COL21A1: variants seen among roughly 807,000 people sequenced by gnomAD.
COL21A1 encodes the protein collagen type XXI alpha 1 chain, also known as collagen alpha-1(XXI) chain.
Under a neutral mutation model 137.9 loss-of-function variants are expected in COL21A1, and 149 were observed. That is an observed-to-expected ratio of 1.08 (90% CI 0.95 to 1.24). The LOEUF is 1.24. COL21A1 is among the 50% of genes most tolerant of loss of function. The probability of loss-of-function intolerance (pLI) is 0.00; values close to 1 mark genes in which losing one functional copy is unlikely to be tolerated. For synonymous variants in COL21A1, 456 were observed against 391.5 expected (o/e 1.16, Z -1.95); for missense variants, 1,167 against 1,158.4 (o/e 1.01, Z -0.11).
At chr6:56,346,664 G>A (rs371551811) in intron 1 of COL21A1, among the ~76,000 whole-genome samples, 1 of 152,096 alleles carries the variant, frequency 6.6e-6, no homozygotes, top group East Asian at 1.9e-4. Flanking sequence ...AAAATAAAAA[G>A]TAGTTCAGTA....
At chr6:56,344,720 T>C (rs12204391) in intron 1 of COL21A1, among the ~76,000 whole-genome samples, 26,430 of 152,040 alleles carry the variant, frequency 0.17, 2,465 homozygotes, top group Non-Finnish European at 0.19. Flanking sequence ...TGGGGGCAGA[T>C]TTCCCCCTTG....
chr6:56,389,880 A>C (rs1435308897), intron 1 of COL21A1, among the ~76,000 whole-genome samples: 1 of 152,184 alleles, frequency 6.6e-6, no homozygotes. Context: ...AGACAAACAA[A>C]AGTTGAGGGA....
chr6:56,185,842 G>C (rs1778256173), intron 1 of COL21A1, among the ~76,000 whole-genome samples: 2 of 152,126 alleles, frequency 1.3e-5, no homozygotes, highest in Non-Finnish European at 2.9e-5. Context: ...TCCTGGTCCA[G>C]ATAGCTTCAC....
chr6:56,279,342 T>C (rs1400029644), intron 1 of COL21A1, among the ~76,000 whole-genome samples: 1 of 152,198 alleles, frequency 6.6e-6, no homozygotes, highest in East Asian at 1.9e-4. Context: ...AAATATTTTA[T>C]TTATAAATTA....
At chr6:56,117,583 G>A (rs1023092265) in intron 16 of COL21A1, among the ~76,000 whole-genome samples, 3 of 152,024 alleles carry the variant, frequency 2.0e-5, no homozygotes, top group East Asian at 3.9e-4. Flanking sequence ...CAGACCAAAC[G>A]AATCAAATAG....
intron 2 of COL21A1, among the ~76,000 whole-genome samples, chr6:56,181,237 G>A (rs1777866173): frequency 1.3e-5 from 2 of 152,316 alleles, no homozygotes; most frequent in South Asian, 4.1e-4. Context: ...CTCTGCCATG[G>A]CGGCCACTGC....
intron 27 of COL21A1, 194 bp downstream of exon 27, chr6:56,060,545 CTT>C (rs1400731770): frequency 2.0e-6 from 1 of 489,102 alleles, no homozygotes; most frequent in African/African-American, 2.0e-5. Flanking sequence ...TAATAAATGT[CTT>C]TATTAAAAAG....
intron 1 of COL21A1, among the ~76,000 whole-genome samples, chr6:56,225,414 T>C (rs1781124355): frequency 6.6e-6 from 1 of 152,016 alleles, no homozygotes; most frequent in Admixed American, 6.6e-5. Context: ...CACTCCTCAG[T>C]AAGGAAACTT....
chr6:56,235,036 T>C (rs1009074495), intron 1 of COL21A1, among the ~76,000 whole-genome samples: 1 of 151,880 alleles, frequency 6.6e-6, no homozygotes. Flanking sequence ...GCAAGTTATA[T>C]TGAGTCCCTT....
intron 16 of COL21A1, among the ~76,000 whole-genome samples, chr6:56,107,753 A>C (rs1771076433): frequency 6.6e-6 from 1 of 152,182 alleles, no homozygotes; most frequent in Non-Finnish European, 1.5e-5. Flanking sequence ...AGAATACTGT[A>C]TTCACAAGCC....
intron 1 of COL21A1, among the ~76,000 whole-genome samples, chr6:56,202,852 T>C (rs190769206): frequency 6.6e-6 from 1 of 152,302 alleles, no homozygotes; most frequent in African/African-American, 2.4e-5. Context: ...CAAAAGAATA[T>C]ACATGTCTAT....
chr6:56,087,581 G>A (rs1425367360), intron 17 of COL21A1, among the ~76,000 whole-genome samples: 1 of 152,130 alleles, frequency 6.6e-6, no homozygotes, highest in Non-Finnish European at 1.5e-5. Flanking sequence ...CTGTCATCCA[G>A]GCTTTCTTGT....
At chr6:56,233,018 C>T (rs550679197) in intron 1 of COL21A1, among the ~76,000 whole-genome samples, 3 of 151,890 alleles carry the variant, frequency 2.0e-5, no homozygotes, top group African/African-American at 7.2e-5. Context: ...AGGTAGGTGC[C>T]TTTCAGAGAA....
At chr6:56,103,234 C>T (rs1770608452) in intron 16 of COL21A1, among the ~76,000 whole-genome samples, 1 of 152,042 alleles carries the variant, frequency 6.6e-6, no homozygotes, top group Non-Finnish European at 1.5e-5. Context: ...GGGTGGGGGC[C>T]AGCAATCTGT....
chr6:56,371,006 A>G (rs1228284133), intron 1 of COL21A1, among the ~76,000 whole-genome samples: 2 of 152,182 alleles, frequency 1.3e-5, no homozygotes, highest in Non-Finnish European at 2.9e-5. Flanking sequence ...GAATTGAATG[A>G]TCATCTTAAA....
intron 1 of COL21A1, among the ~76,000 whole-genome samples, chr6:56,359,611 G>T (rs1400805731): frequency 6.6e-6 from 1 of 152,168 alleles, no homozygotes; most frequent in South Asian, 2.1e-4. Flanking sequence ...TTCTAAAGGA[G>T]ACATTTCTGA....
chr6:56,126,260 A>C, intron 12 of COL21A1, 111 bp from the exon 13 acceptor site: 1 of 671,914 alleles, frequency 1.5e-6, no homozygotes, highest in Non-Finnish European at 2.6e-6. Context: ...ATCTATCTGC[A>C]AACAGTTAAT....
chr6:56,068,085 G>A (rs748613425), intron 22 of COL21A1, among the ~76,000 whole-genome samples: 1 of 151,680 alleles, frequency 6.6e-6, no homozygotes, highest in Admixed American at 6.6e-5. Context: ...ACATATATTC[G>A]TAGTAGATTT....
At chr6:56,119,721 T>C (rs936792056) in intron 16 of COL21A1, among the ~76,000 whole-genome samples, 2 of 152,110 alleles carry the variant, frequency 1.3e-5, no homozygotes, top group Non-Finnish European at 2.9e-5. Flanking sequence ...CAAAGACCAA[T>C]GAAACAGAAC....
Sources: allele counts gnomAD v4.1 joint callset (sites outside exome capture counted in the v4.1 genomes callset), GRCh38; gene constraint gnomAD v4.1.1; transcripts MANE v1.5; gene names NCBI Gene and HGNC (gene_info 2026-07-23, HGNC 2026-07-21).